The following ENOX1 variants were observed in gnomAD, a reference collection of about 807,000 sequenced individuals.
ENOX1 encodes the protein candidate growth-related and time keeping constitutive hydroquinone (NADH) oxidase.
ENOX1 carries 42 observed loss-of-function variants against 82.5 expected under a neutral mutation model. That is an observed-to-expected ratio of 0.51 (90% CI 0.40 to 0.66). The LOEUF (loss-of-function observed/expected upper bound fraction) is 0.66, where lower values mean the gene tolerates loss of function less well. Ranked by LOEUF, ENOX1 falls within the 30% of genes least tolerant of loss-of-function variation. The pLI, the probability that ENOX1 is intolerant of heterozygous loss-of-function variation, is 0.00. For synonymous variants in ENOX1, 271 were observed against 282.2 expected (o/e 0.96, Z 0.40); for missense variants, 608 against 811.6 (o/e 0.75, Z 3.05).
intron 15 of ENOX1, 34 bp downstream of exon 15, chr13:43,236,602 A>T: frequency 7.6e-7 from 1 of 1,315,866 alleles, no homozygotes; most frequent in Non-Finnish European, 1.1e-6. Flanking sequence ...ATAATTATTT[A>T]AGAGAACAGA....
chr13:43,712,084 GA>G (rs2087761137), intron 1 of ENOX1, among the ~76,000 whole-genome samples: 2 of 151,720 alleles, frequency 1.3e-5, no homozygotes. Context: ...AATCCATCTG[GA>G]ATTAATTTTT....
chr13:43,585,333 T>C (rs1412498493), intron 2 of ENOX1, among the ~76,000 whole-genome samples: 3 of 152,220 alleles, frequency 2.0e-5, no homozygotes, highest in Non-Finnish European at 2.9e-5. Context: ...ATTCAGCCCA[T>C]TGAAACCGGT....
chr13:43,444,943 T>C (rs533880645), intron 3 of ENOX1, among the ~76,000 whole-genome samples: 29 of 152,304 alleles, frequency 1.9e-4, no homozygotes, highest in African/African-American at 6.7e-4. Flanking sequence ...ACCTGGGTTC[T>C]GGCTTCCAGT....
At chr13:43,595,796 T>C (rs1448324653) in intron 2 of ENOX1, among the ~76,000 whole-genome samples, 2 of 152,208 alleles carry the variant, frequency 1.3e-5, no homozygotes, top group East Asian at 3.8e-4. Flanking sequence ...CTTAAAGCAA[T>C]CAACTTCAGG....
chr13:43,277,072 A>G (rs1003343078), intron 12 of ENOX1, among the ~76,000 whole-genome samples: 3 of 152,194 alleles, frequency 2.0e-5, no homozygotes, highest in Non-Finnish European at 4.4e-5. Context: ...GAACTCCACC[A>G]TTCAGACGAC....
At chr13:43,536,774 C>G (rs982712832) in intron 2 of ENOX1, among the ~76,000 whole-genome samples, 2 of 152,182 alleles carry the variant, frequency 1.3e-5, no homozygotes, top group Non-Finnish European at 2.9e-5. Flanking sequence ...GTAAAAAGTG[C>G]CCAGCTGTTC....
intron 12 of ENOX1, among the ~76,000 whole-genome samples, chr13:43,295,463 A>T (rs2046237491): frequency 6.6e-6 from 1 of 152,204 alleles, no homozygotes; most frequent in Non-Finnish European, 1.5e-5. Context: ...CACATGCAAA[A>T]CTGTGTGATG....
At chr13:43,613,776 C>T (rs2082293133) in intron 2 of ENOX1, among the ~76,000 whole-genome samples, 1 of 151,408 alleles carries the variant, frequency 6.6e-6, no homozygotes, top group South Asian at 2.1e-4. Flanking sequence ...ACTAAAATAC[C>T]AAAAATTAGC....
intron 14 of ENOX1, among the ~76,000 whole-genome samples, chr13:43,255,276 T>C (rs894514103): frequency 3.3e-5 from 5 of 152,026 alleles, no homozygotes; most frequent in African/African-American, 4.8e-5. Flanking sequence ...ACAGACCAGG[T>C]ATAGAAGGAA....
At chr13:43,367,831 T>C (rs1217299811) in intron 5 of ENOX1, among the ~76,000 whole-genome samples, 1 of 152,136 alleles carries the variant, frequency 6.6e-6, no homozygotes, top group African/African-American at 2.4e-5. Flanking sequence ...GACATCTGTA[T>C]ATGCAATGGG....
intron 5 of ENOX1, among the ~76,000 whole-genome samples, chr13:43,369,750 T>TTA (rs1426156515): frequency 6.6e-6 from 1 of 152,216 alleles, no homozygotes; most frequent in Non-Finnish European, 1.5e-5. Context: ...CAACCCTCTC[T>TTA]TAAAGTTCCT....
chr13:43,707,223 C>T (rs548891730), intron 1 of ENOX1, among the ~76,000 whole-genome samples: 3 of 152,084 alleles, frequency 2.0e-5, no homozygotes, highest in Admixed American at 1.3e-4. Context: ...GACCTCTATA[C>T]GGAAAACCAA....
chr13:43,247,846 TATATATATATATATATATATATATATATA>T (rs1566328512), intron 14 of ENOX1, among the ~76,000 whole-genome samples: 971 of 4,680 alleles, frequency 0.21, 97 homozygotes, highest in South Asian at 0.42. Flanking sequence ...TATATATATA[TATATATATATATATATATATATATATATA>T]TATATATATT....
At chr13:43,341,200 G>A (rs1454690761) in intron 9 of ENOX1, among the ~76,000 whole-genome samples, 2 of 152,102 alleles carry the variant, frequency 1.3e-5, no homozygotes, top group African/African-American at 4.8e-5. Flanking sequence ...GGGAGGCTGA[G>A]GCAGGAGAAT....
chr13:43,436,720 T>G (rs73471851), intron 3 of ENOX1, among the ~76,000 whole-genome samples: 1,748 of 152,298 alleles, frequency 0.011, 42 homozygotes, highest in African/African-American at 0.04. Context: ...GAACATTAAT[T>G]CTAATCAGAT....
At chr13:43,757,614 G>GT (rs1950727415) in intron 1 of ENOX1, among the ~76,000 whole-genome samples, 1 of 152,108 alleles carries the variant, frequency 6.6e-6, no homozygotes, top group Non-Finnish European at 1.5e-5. Flanking sequence ...GCCATAGAGA[G>GT]GTATCAATAC....
At chr13:43,392,941 C>T (rs953905728) in intron 5 of ENOX1, among the ~76,000 whole-genome samples, 4 of 151,912 alleles carry the variant, frequency 2.6e-5, no homozygotes, top group Admixed American at 6.6e-5. Context: ...TGTTCAGCCA[C>T]GAGAAATTGG....
intron 2 of ENOX1, among the ~76,000 whole-genome samples, chr13:43,581,193 C>T (rs1285126357): frequency 5.8e-5 from 7 of 120,042 alleles, no homozygotes; most frequent in African/African-American, 1.9e-4. Flanking sequence ...AGTGCAGTGG[C>T]GGGATCTCGG....
chr13:43,618,826 C>T (rs1393901004), intron 2 of ENOX1, among the ~76,000 whole-genome samples: 3 of 152,038 alleles, frequency 2.0e-5, no homozygotes, highest in East Asian at 1.9e-4. Context: ...TTGCTTTTGG[C>T]AGTATGGTCA....
Sources: allele counts gnomAD v4.1 joint callset (sites outside exome capture counted in the v4.1 genomes callset), GRCh38; gene constraint gnomAD v4.1.1; transcripts MANE v1.5; gene names NCBI Gene and HGNC (gene_info 2026-07-23, HGNC 2026-07-21).